The following AP2A2 variants were observed in gnomAD, a reference collection of about 807,000 sequenced individuals.
The protein encoded by AP2A2 is AP-2 complex subunit alpha-2.
A neutral mutation model predicts 104.2 loss-of-function variants in AP2A2; 32 were observed. That is an observed-to-expected ratio of 0.31 (90% confidence interval 0.23 to 0.41). The LOEUF is 0.41. Among genes scored for constraint, AP2A2 ranks in the 10% least tolerant of loss-of-function variants. The pLI, the probability that AP2A2 is intolerant of heterozygous loss-of-function variation, is 1.00. For missense variants in AP2A2, 912 were observed against 1,261.0 expected, an observed-to-expected ratio of 0.72 and a Z score of 4.19; for synonymous variants, 539 against 533.3, an observed-to-expected ratio of 1.01 and a Z score of -0.15.
chr11:984,556 A>G, intron 6 of AP2A2, 89 bp from the exon 7 acceptor site: 1 of 1,084,002 alleles, frequency 9.2e-7, no homozygotes, highest in Non-Finnish European at 1.4e-6. Flanking sequence ...CTCAGGCGTG[A>G]CCCGAGGAGT....
intron 1 of AP2A2, among the ~76,000 whole-genome samples, chr11:929,242 T>A (rs1405860931): frequency 6.6e-6 from 1 of 152,156 alleles, no homozygotes; most frequent in African/African-American, 2.4e-5. Flanking sequence ...CCTGGCCAGC[T>A]CTGATTTTGT....
At chr11:998,746 G>C (rs1249537292) in intron 14 of AP2A2, among the ~76,000 whole-genome samples, 1 of 152,110 alleles carries the variant, frequency 6.6e-6, no homozygotes, top group Admixed American at 6.5e-5. Context: ...TTGCCAGGCT[G>C]TAGTTCAGTG....
At chr11:996,594 C>T (rs1178948955) in intron 14 of AP2A2, among the ~76,000 whole-genome samples, 1 of 152,120 alleles carries the variant, frequency 6.6e-6, no homozygotes, top group Non-Finnish European at 1.5e-5. Flanking sequence ...GACTGTGTGG[C>T]TTAGGGATCA....
chr11:994,009 CTGGCT>C, intron 13 of AP2A2, 24 bp downstream of exon 13: 4 of 1,608,976 alleles, frequency 2.5e-6, no homozygotes, highest in Non-Finnish European at 3.4e-6. Flanking sequence ...GCCCTTCGGG[CTGGCT>C]TGGCTGAGGG....
At chr11:934,224 T>C (rs994714476) in intron 1 of AP2A2, among the ~76,000 whole-genome samples, 22 of 152,166 alleles carry the variant, frequency 1.4e-4, no homozygotes, top group African/African-American at 5.3e-4. Context: ...GAATAACACT[T>C]CTAGCCGGGG....
At position 971,969 on chromosome 11, in the gene AP2A2, G is replaced by A. The variant is rs910865689; in HGVS notation, c.280-93G>A. On this transcript the variant is annotated intron_variant, in intron 3 of 21. Transcript: ENST00000448903. Reference sequence around the variant, plus strand: ...CGTGGGTGGTGCCTGGGCTGCTTCCGCATCTGTGTGTCACTGATTGTTGGG... The same window carrying A: ...CGTGGGTGGTGCCTGGGCTGCTTCCACATCTGTGTGTCACTGATTGTTGGG... 38 of 1,278,208 alleles carry A rather than the reference G, an allele frequency of 3.0e-5. No individual in the cohort carries two copies. The African/African-American group carries it at 3.7e-4, about 13-fold the overall frequency. The allele number at this position is 1,278,208 out of a possible 1,614,324, so 79.2% of individuals were successfully genotyped here. A position where few individuals can be genotyped will look rare whatever the true frequency, so the allele number is the denominator to read the frequency against.
At chr11:1,008,884 C>CTA (rs1856302456) in intron 18 of AP2A2, 2 of 577,334 alleles carry the variant, frequency 3.5e-6, no homozygotes, top group Admixed American at 3.1e-5. Context: ...CAGGGACGTC[C>CTA]TGCCTGAGTA....
intron 9 of AP2A2, among the ~76,000 whole-genome samples, chr11:987,234 G>T (rs148102369): frequency 1.0e-3 from 152 of 152,352 alleles, no homozygotes; most frequent in African/African-American, 3.3e-3. Flanking sequence ...GTGCCATCCT[G>T]CGCGTGCATA....
intron 10 of AP2A2, 52 bp downstream of exon 10, chr11:988,741 C>A: frequency 6.2e-7 from 1 of 1,601,008 alleles, no homozygotes. Flanking sequence ...TGAATCTCAG[C>A]GGCAGGATTT....
chr11:984,573 G>A lies in AP2A2; in HGVS notation c.706-72G>A, dbSNP rs1197816931. The A allele has an allele frequency of 2.4e-6, 3 of 1,274,044 alleles. No individual in the cohort carries two copies. In the East Asian group the frequency reaches 6.9e-5, roughly 30 times the overall value. 78.9% of individuals were successfully genotyped at this position (1,274,044 alleles called of 1,614,324 possible). A position where few individuals can be genotyped will look rare whatever the true frequency, so the allele number is the denominator to read the frequency against. On this transcript the variant is annotated intron_variant, in intron 6 of 21. Coordinates refer to ENST00000448903, the MANE Select transcript of AP2A2 (RefSeq NM_012305.4). The stretch of plus-strand genomic sequence containing the variant: ...CAGGCGTGACCCGAGGAGTGAGTAT[G>A]GCTTTTCTTTGGGTCCCCGCAGTAG...
chr11:973,251 G>A (rs1854896181), intron 4 of AP2A2, among the ~76,000 whole-genome samples: 1 of 152,224 alleles, frequency 6.6e-6, no homozygotes, highest in South Asian at 2.1e-4. Context: ...CTTTGTGAGG[G>A]TACTGGGCCG....
At chr11:988,838 CA>C (rs1855551203) in intron 10 of AP2A2, 149 bp downstream of exon 10, 3 of 1,090,878 alleles carry the variant, frequency 2.8e-6, no homozygotes, top group Non-Finnish European at 3.9e-6. Context: ...TCTGTGTTTT[CA>C]TCCACATTTT....
At chr11:995,627 A>T (rs1855826330) in intron 14 of AP2A2, among the ~76,000 whole-genome samples, 1 of 150,090 alleles carries the variant, frequency 6.7e-6, no homozygotes, top group African/African-American at 2.5e-5. Flanking sequence ...GGACCTGCTT[A>T]TGTGCCCCGG....
At chr11:976,772 G>A (rs1855054911) in intron 4 of AP2A2, among the ~76,000 whole-genome samples, 1 of 152,200 alleles carries the variant, frequency 6.6e-6, no homozygotes, top group Admixed American at 6.5e-5. Context: ...AAGCATTTCT[G>A]TTGTGATTGT....
intron 14 of AP2A2, among the ~76,000 whole-genome samples, chr11:994,701 C>T (rs1467626393): frequency 4.3e-5 from 6 of 141,166 alleles, no homozygotes; most frequent in African/African-American, 8.0e-5. Context: ...CCCTGCTGGA[C>T]GCCCCGTTGT....
Position 993,795 on chromosome 11 carries a change from T to C in AP2A2, c.1592T>C (p.Leu531Pro), listed in dbSNP as rs749532710. ...CACCTGCTGCACTCCAAGTTCCACCTGTGCAGCGTCCCCACCCGCGCGCTG... is the reference window on the plus strand; with the variant it reads ...CACCTGCTGCACTCCAAGTTCCACCCGTGCAGCGTCCCCACCCGCGCGCTG... Reference protein sequence around the residue: ...QFHLLHSKFHLCSVPTRALLL... With the variant: ...QFHLLHSKFHPCSVPTRALLL... The change falls in exon 13 of 22, where the codon CTG (leucine) becomes CCG (proline). Residue 531 changes from leucine to proline, a missense_variant. Physicochemically the swap from Leu to Pro is moderately conservative, Grantham distance 98 (BLOSUM62 -3). Coordinates refer to ENST00000448903, the MANE Select transcript of AP2A2 (RefSeq NM_012305.4). The surrounding 1 kb of genome is among the most constrained non-coding windows in gnomAD (Gnocchi z 8.2). 5.6e-6 allele frequency: 9 copies of C among 1,606,606 alleles called. No individual in the cohort carries two copies. The highest frequency in any genetic ancestry group is 6.8e-6 in the Non-Finnish European group (8 of 1,178,978).
Position 988,150 on chromosome 11 carries a change from G to A in AP2A2, c.1132-402G>A, listed in dbSNP as rs560874674. Among the ~76,000 whole-genome samples the A allele has an allele frequency of 2.0e-3, 300 of 152,354 alleles. 2 individuals carry two copies. Among genetic ancestry groups the A allele is most frequent in the African/African-American group, 7.0e-3 (292 of 41,594 alleles). ...CCATCAGCACGGGCTCTGGGGTGGG[G>A]CGTGAGGACCTGCCTTGGGGCAGCT... On this transcript the variant is annotated intron_variant, in intron 9 of 21. Coordinates refer to ENST00000448903, the MANE Select transcript of AP2A2 (RefSeq NM_012305.4).
intron 1 of AP2A2, chr11:932,635 G>C: frequency 4.4e-6 from 2 of 453,356 alleles, no homozygotes; most frequent in South Asian, 3.1e-5. Context: ...TTAGAAACCA[G>C]TTTAGGAAAT....
chr11:1,012,022 G>A lies in AP2A2; in HGVS notation c.*1397G>A, dbSNP rs1363797843. The A allele has an allele frequency of 6.4e-6, 1 of 155,920 alleles. No homozygotes were observed. Among genetic ancestry groups the A allele is most frequent in the Non-Finnish European group, 1.4e-5 (1 of 70,830 alleles). The allele number at this position is 155,920 out of a possible 1,614,324, so 9.7% of individuals were successfully genotyped here. ...TGCTGGGCTTGTGCTGCAGCTGGGT[G>A]GTGTGGCCCTCATTCTCATGTTCCA... is the stretch of plus-strand genomic sequence containing the variant. On this transcript the variant is annotated 3_prime_UTR_variant, in exon 22 of 22. Coordinates refer to ENST00000448903, the MANE Select transcript of AP2A2 (RefSeq NM_012305.4).
Sources: allele counts gnomAD v4.1 joint callset (sites outside exome capture counted in the v4.1 genomes callset), GRCh38; gene constraint gnomAD v4.1.1; non-coding constraint Gnocchi (gnomAD v3.1); transcripts MANE v1.5; gene names NCBI Gene and HGNC (gene_info 2026-07-23, HGNC 2026-07-21).